MECOM: variants seen among roughly 807,000 people sequenced by gnomAD.
MECOM encodes the protein MDS1 and EVI1 complex locus, also known as histone-lysine N-methyltransferase MECOM.
A neutral mutation model predicts 116.3 loss-of-function variants in MECOM; 13 were observed. The ratio of observed to expected loss-of-function variants is 0.11; its 90% CI spans 0.07 to 0.18. The LOEUF is 0.18. Among genes scored for constraint, MECOM ranks in the 10% least tolerant of loss-of-function variants. MECOM has a pLI of 1.00. For synonymous variants in MECOM, 528 were observed against 535.2 expected (o/e 0.99, Z 0.19); for missense variants, 1,299 against 1,509.0 (o/e 0.86, Z 2.31).
chr3:169,246,116 G>A (rs1577455931), intron 2 of MECOM, among the ~76,000 whole-genome samples: 1 of 152,080 alleles, frequency 6.6e-6, no homozygotes, highest in East Asian at 1.9e-4. Flanking sequence ...GAATATTTGA[G>A]CCTAATTAGA....
Position 169,316,670 on chromosome 3 carries a change from G to C in MECOM, c.375+64517C>G, listed in dbSNP as rs571257631. Among the ~76,000 whole-genome samples, 4 of 152,242 alleles carry C rather than the reference G, an allele frequency of 2.6e-5. No individual in the cohort carries two copies. In the South Asian group the frequency reaches 8.3e-4, roughly 32 times the overall value. ...AGGCTCAGATGATCCTCCCACCTCA[G>C]CCTCCCAAGTAGTTGGGAATTATAG... On this transcript the variant is annotated intron_variant, in intron 2 of 16. Transcript: ENST00000651503.
intron 2 of MECOM, among the ~76,000 whole-genome samples, chr3:169,258,400 G>T (rs1208920640): frequency 6.6e-6 from 1 of 152,158 alleles, no homozygotes; most frequent in Admixed American, 6.5e-5. Context: ...TGAAGCCCAG[G>T]AGGTGAAGCA....
At chr3:169,454,213 G>A (rs1028748253) in intron 1 of MECOM, among the ~76,000 whole-genome samples, 1 of 152,164 alleles carries the variant, frequency 6.6e-6, no homozygotes, top group Non-Finnish European at 1.5e-5. Context: ...GTCATACACT[G>A]TTACAGAGAA....
rs1221882848 is a variant in MECOM at position 169,378,507 on chromosome 3, A to G, written c.375+2680T>C. 1.0e-3 allele frequency among the ~76,000 whole-genome samples: 30 copies of G among 30,094 alleles called. 3 individuals are homozygous for G. The highest frequency in any genetic ancestry group is 2.9e-3 in the South Asian group (3 of 1,038). 19.7% of individuals were successfully genotyped at this position (30,094 alleles called of 152,430 possible). A position where few individuals can be genotyped will look rare whatever the true frequency, so the allele number is the denominator to read the frequency against. ...AGAGAGAGAAAGAAAGAAAGAAAGA[A>G]AGAAAGAAAAGAAAGAAAGAAAGAA... On this transcript the variant is annotated intron_variant, in intron 2 of 16. Transcript: ENST00000651503.
chr3:169,460,247 C>T (rs901673734), intron 1 of MECOM, among the ~76,000 whole-genome samples: 1 of 152,170 alleles, frequency 6.6e-6, no homozygotes, highest in Non-Finnish European at 1.5e-5. Flanking sequence ...AGCTTTCCCA[C>T]AGAGAGCAAA....
intron 2 of MECOM, among the ~76,000 whole-genome samples, chr3:169,163,951 T>C (rs750220306): frequency 8.3e-4 from 127 of 152,282 alleles, no homozygotes; most frequent in Non-Finnish European, 1.2e-3. Flanking sequence ...TGTGTACTAG[T>C]AATTAAATGG....
intron 2 of MECOM, among the ~76,000 whole-genome samples, chr3:169,295,323 A>T (rs1328777911): frequency 6.6e-6 from 1 of 152,238 alleles, no homozygotes; most frequent in Admixed American, 6.5e-5. Flanking sequence ...AGGATTTGCC[A>T]CCACCTGGTG....
chr3:169,353,974 A>G (rs759983894), intron 2 of MECOM, among the ~76,000 whole-genome samples: 1 of 151,892 alleles, frequency 6.6e-6, no homozygotes, highest in East Asian at 1.9e-4. Flanking sequence ...AAGAATATTT[A>G]TTCAGTCCCT....
chr3:169,378,805 T>C (rs1577919252), intron 2 of MECOM, among the ~76,000 whole-genome samples: 3 of 152,066 alleles, frequency 2.0e-5, no homozygotes, highest in African/African-American at 7.2e-5. Flanking sequence ...TGTTCAGTTA[T>C]GATAGGCTGA....
At chr3:169,319,807 G>GATT in intron 2 of MECOM, among the ~76,000 whole-genome samples, 1 of 152,352 alleles carries the variant, frequency 6.6e-6, no homozygotes, top group African/African-American at 2.4e-5. Context: ...TGAACTAAAT[G>GATT]AGATAAGGTA....
chr3:169,585,655 G>C (rs1205594240), intron 1 of MECOM, among the ~76,000 whole-genome samples: 1 of 152,206 alleles, frequency 6.6e-6, no homozygotes, highest in Non-Finnish European at 1.5e-5. Flanking sequence ...GACCGCAGAG[G>C]TTGTTAACTA....
At chr3:169,483,794 T>G (rs1751733349) in intron 1 of MECOM, 1 of 1,611,538 alleles carries the variant, frequency 6.2e-7, no homozygotes, top group Non-Finnish European at 8.5e-7. Flanking sequence ...TCAAATATTT[T>G]TTGGTGAGAT....
intron 12 of MECOM, among the ~76,000 whole-genome samples, chr3:169,096,460 G>C (rs1721527406): frequency 6.6e-6 from 1 of 152,056 alleles, no homozygotes; most frequent in African/African-American, 2.4e-5. Context: ...TGTAGAGACA[G>C]AGTTTCACCA....
intron 2 of MECOM, among the ~76,000 whole-genome samples, chr3:169,315,559 G>A (rs1719589406): frequency 6.6e-6 from 1 of 152,150 alleles, no homozygotes; most frequent in South Asian, 2.1e-4. Flanking sequence ...GTCTTTGCAT[G>A]TTAGGTCTTT....
chr3:169,420,989 T>C (rs962273976), intron 1 of MECOM, among the ~76,000 whole-genome samples: 2 of 152,146 alleles, frequency 1.3e-5, no homozygotes, highest in African/African-American at 2.4e-5. Context: ...TATTATATTA[T>C]AGTAGGCACA....
intron 2 of MECOM, among the ~76,000 whole-genome samples, chr3:169,277,066 A>T (rs1759678939): frequency 6.6e-6 from 1 of 151,856 alleles, no homozygotes; most frequent in Non-Finnish European, 1.5e-5. Context: ...GAGTACCAGG[A>T]TTTCACTCCA....
At chr3:169,662,086 C>T (rs1776354624) in intron 1 of MECOM, among the ~76,000 whole-genome samples, 1 of 152,240 alleles carries the variant, frequency 6.6e-6, no homozygotes, top group Non-Finnish European at 1.5e-5. Flanking sequence ...GGCGGAGCAT[C>T]ACACCGTGTG....
In MECOM at chr3:169,115,692, G is replaced by A. The variant is rs762293545; in HGVS notation, c.2180C>T (p.Pro727Leu). ...CTTCTGCAGTTTCTTTACTTCACCT[G>A]GTGATTGGGGTTCCATTTTCAAAGG... The part of the protein sequence containing the change: ...SLPLKMEPQS[P>L]GEVKKLQKGS... The change falls in exon 8 of 17, where the codon CCA becomes CTA. Residue 727 changes from proline to leucine, a missense_variant. Transcript: ENST00000651503. 3.8e-5 allele frequency: 62 copies of A among 1,613,946 alleles called. No homozygotes were observed. Among genetic ancestry groups the A allele is most frequent in the Admixed American group, 1.3e-4 (8 of 59,978 alleles).
In MECOM at chr3:169,083,903, T is replaced by A. The variant is rs1480997584; in HGVS notation, c.*1006A>T. On this transcript the variant is annotated 3_prime_UTR_variant, in exon 17 of 17. Coordinates refer to ENST00000651503, the MANE Select transcript of MECOM (RefSeq NM_004991.4). ...TCAGTATTACAAAAACTAAGTTGCA[T>A]CTATTCGTATTTAGTTCATTAAGAA... 4.5e-6 allele frequency: 1 copy of A among 222,842 alleles called. No homozygotes were observed. Among genetic ancestry groups the A allele is most frequent in the East Asian group, 6.6e-5 (1 of 15,250 alleles). The allele number at this position is 222,842 out of a possible 1,614,324, so 13.8% of individuals were successfully genotyped here.
Sources: gnomAD v4.1 joint callset for allele counts (sites outside exome capture counted in the v4.1 genomes callset) on GRCh38, gnomAD v4.1.1 for gene constraint, MANE v1.5 for transcripts, NCBI Gene and HGNC (gene_info 2026-07-23, HGNC 2026-07-21) for gene names.